Variants in ZDHHC14 observed in about 807,000 individuals in gnomAD.
The protein encoded by ZDHHC14 is palmitoyltransferase ZDHHC14.
Under a neutral mutation model 47.7 loss-of-function variants are expected in ZDHHC14, and 16 were observed. The observed-to-expected ratio is 0.34, with a 90% CI of 0.23 to 0.51. The LOEUF is 0.51. Ranked by LOEUF, ZDHHC14 falls within the 20% of genes least tolerant of loss-of-function variation. The pLI, the probability that ZDHHC14 is intolerant of heterozygous loss-of-function variation, is 0.97. For synonymous variants in ZDHHC14, 293 were observed against 278.9 expected (o/e 1.05, Z -0.50); for missense variants, 515 against 662.5 (o/e 0.78, Z 2.44).
chr6:157,493,182 T>C (rs556757946), intron 1 of ZDHHC14, among the ~76,000 whole-genome samples: 1 of 152,192 alleles, frequency 6.6e-6, no homozygotes, highest in East Asian at 1.9e-4. Flanking sequence ...TGAGATGTGG[T>C]CTAGGGAAGA....
At chr6:157,387,158 T>A (rs1394739195) in intron 1 of ZDHHC14, among the ~76,000 whole-genome samples, 4 of 152,126 alleles carry the variant, frequency 2.6e-5, no homozygotes, top group African/African-American at 7.2e-5. Flanking sequence ...GAAGGGTTTT[T>A]AAAAAATCTT....
intron 1 of ZDHHC14, among the ~76,000 whole-genome samples, chr6:157,488,648 C>T (rs918453816): frequency 6.6e-6 from 1 of 152,214 alleles, no homozygotes. Flanking sequence ...GCCCTCTTTC[C>T]CTCAAGGGTC....
intron 1 of ZDHHC14, among the ~76,000 whole-genome samples, chr6:157,493,418 C>T (rs772401669): frequency 2.0e-5 from 3 of 152,204 alleles, no homozygotes; most frequent in Non-Finnish European, 2.9e-5. Context: ...CTGCAGAGGC[C>T]GGACACACAG....
chr6:157,416,124 T>C (rs1364704176), intron 1 of ZDHHC14, among the ~76,000 whole-genome samples: 1 of 152,174 alleles, frequency 6.6e-6, no homozygotes, highest in East Asian at 1.9e-4. Flanking sequence ...TGGAAAAAGC[T>C]ATTTGGCTTT....
chr6:157,667,638 G>A (rs1403465433), intron 8 of ZDHHC14, among the ~76,000 whole-genome samples: 1 of 151,414 alleles, frequency 6.6e-6, no homozygotes, highest in Non-Finnish European at 1.5e-5. Context: ...AAAGGGAAGT[G>A]TAAGAATATT....
At chr6:157,390,736 A>C (rs571281563) in intron 1 of ZDHHC14, among the ~76,000 whole-genome samples, 1 of 152,192 alleles carries the variant, frequency 6.6e-6, no homozygotes, top group South Asian at 2.1e-4. Context: ...GTTTTTAAGG[A>C]GTCTGCTTTA....
intron 1 of ZDHHC14, among the ~76,000 whole-genome samples, chr6:157,507,685 G>A (rs1179099502): frequency 6.6e-6 from 1 of 152,090 alleles, no homozygotes; most frequent in Non-Finnish European, 1.5e-5. Flanking sequence ...CTCTATCTGA[G>A]CCTCCTTCCA....
chr6:157,492,206 G>GCC (rs954347593), intron 1 of ZDHHC14, among the ~76,000 whole-genome samples: 5 of 82,480 alleles, frequency 6.1e-5, no homozygotes, highest in African/African-American at 1.6e-4. Flanking sequence ...CTCCGCCCCC[G>GCC]CCCCCCAGCC....
intron 1 of ZDHHC14, among the ~76,000 whole-genome samples, chr6:157,461,696 A>G (rs538268358): frequency 2.0e-5 from 3 of 152,316 alleles, no homozygotes; most frequent in South Asian, 4.1e-4. Context: ...AAAGCAGAGG[A>G]TGCCTGTTGG....
At chr6:157,441,629 A>G (rs1413387104) in intron 1 of ZDHHC14, among the ~76,000 whole-genome samples, 1 of 152,184 alleles carries the variant, frequency 6.6e-6, no homozygotes, top group Non-Finnish European at 1.5e-5. Flanking sequence ...ACCTGAGATC[A>G]GGAGTTTGAG....
intron 1 of ZDHHC14, among the ~76,000 whole-genome samples, chr6:157,488,737 G>A (rs1378573000): frequency 6.6e-6 from 1 of 152,220 alleles, no homozygotes; most frequent in Non-Finnish European, 1.5e-5. Flanking sequence ...GAGCACTGCT[G>A]TCTGTAGGGC....
intron 1 of ZDHHC14, among the ~76,000 whole-genome samples, chr6:157,505,697 A>G (rs533325945): frequency 1.4e-4 from 21 of 152,006 alleles, no homozygotes; most frequent in Admixed American, 1.4e-3. Context: ...ACTTGGCGAA[A>G]TGTTTGTTCA....
rs182626807 is a variant in ZDHHC14, at chr6:157,437,304, G to A, written c.245+55038G>A. 2.0e-5 allele frequency among the ~76,000 whole-genome samples: 3 copies of A among 152,322 alleles called. No individual in the cohort carries two copies. In the East Asian group the frequency reaches 5.8e-4, roughly 29 times the overall value. On this transcript the variant is annotated intron_variant, in intron 1 of 8. Transcript: ENST00000359775. ...GCAGGAATGCCAAATAAGGTTAACG[G>A]ATGCTTCCTTCCATAAGGAGGCCAC...
In ZDHHC14 at chr6:157,676,020, G is replaced by C. The variant is rs1192116406; in HGVS notation, c.*2898G>C. 1 of 152,106 alleles carries C rather than the reference G, an allele frequency of 6.6e-6. No homozygotes were observed. The highest frequency in any genetic ancestry group is 6.5e-5 in the Admixed American group (1 of 15,274). The allele number at this position is 152,106 out of a possible 1,614,324, so 9.4% of individuals were successfully genotyped here. A position where few individuals can be genotyped will look rare whatever the true frequency, so the allele number is the denominator to read the frequency against. On this transcript the variant is annotated 3_prime_UTR_variant, in exon 9 of 9. Transcript: ENST00000359775. Reference sequence around the variant, plus strand: ...ACAGGCTTCCCGGCACTTGAAGGCTGAACTGAGCGTGAGTGCCCTGGTCCC... The same window carrying C: ...ACAGGCTTCCCGGCACTTGAAGGCTCAACTGAGCGTGAGTGCCCTGGTCCC...
chr6:157,444,657 G>A (rs894952900), intron 1 of ZDHHC14, among the ~76,000 whole-genome samples: 2 of 149,676 alleles, frequency 1.3e-5, no homozygotes, highest in African/African-American at 5.0e-5. Flanking sequence ...CAGCCTGGGC[G>A]ACCGAGAGAG....
intron 1 of ZDHHC14, 24 bp downstream of exon 1, chr6:157,382,290 C>T: frequency 6.2e-7 from 1 of 1,609,708 alleles, no homozygotes; most frequent in Non-Finnish European, 8.5e-7. Flanking sequence ...ACCGCTCCCC[C>T]GACGCCGCAC....
intron 1 of ZDHHC14, among the ~76,000 whole-genome samples, chr6:157,389,373 C>A (rs1396760317): frequency 6.6e-6 from 1 of 152,148 alleles, no homozygotes; most frequent in African/African-American, 2.4e-5. Flanking sequence ...CATCCAAATA[C>A]TTCTGCATGT....
chr6:157,600,543 T>A (rs546762998), intron 3 of ZDHHC14, among the ~76,000 whole-genome samples: 2 of 152,152 alleles, frequency 1.3e-5, no homozygotes, highest in African/African-American at 4.8e-5. Context: ...GTAGCTGGGA[T>A]TACAGGTGTG....
chr6:157,402,343 C>T (rs1430407912), intron 1 of ZDHHC14, among the ~76,000 whole-genome samples: 4 of 149,946 alleles, frequency 2.7e-5, no homozygotes, highest in East Asian at 2.0e-4. Flanking sequence ...TAGTGAGATG[C>T]GCACCTGCTG....
Sources: gnomAD v4.1 joint callset for allele counts (sites outside exome capture counted in the v4.1 genomes callset) on GRCh38, gnomAD v4.1.1 for gene constraint, MANE v1.5 for transcripts, NCBI Gene and HGNC (gene_info 2026-07-23, HGNC 2026-07-21) for gene names.